KLHL18: variants seen among roughly 807,000 people sequenced by gnomAD.
KLHL18 encodes kelch-like protein 18.
In KLHL18, 38 loss-of-function variants were observed where a neutral mutation model predicts 58.5. That is an observed-to-expected ratio of 0.65 (90% confidence interval 0.50 to 0.85). The LOEUF is 0.85. Ranked by LOEUF, KLHL18 falls within the 40% of genes least tolerant of loss-of-function variation. KLHL18 has a pLI of 0.00. For missense variants in KLHL18, 624 were observed against 778.4 expected, an observed-to-expected ratio of 0.80 and a Z score of 2.36; for synonymous variants, 303 against 301.9, an observed-to-expected ratio of 1.00 and a Z score of -0.04.
At chr3:47,303,665 C>A (rs1441216053) in intron 1 of KLHL18, among the ~76,000 whole-genome samples, 2 of 152,128 alleles carry the variant, frequency 1.3e-5, no homozygotes, top group African/African-American at 4.8e-5. Context: ...TCAAGCAATT[C>A]TCCTGTCTTG....
At chr3:47,298,712 A>G (rs1251715896) in intron 1 of KLHL18, among the ~76,000 whole-genome samples, 1 of 152,154 alleles carries the variant, frequency 6.6e-6, no homozygotes, top group Non-Finnish European at 1.5e-5. Context: ...AGTCACATCC[A>G]GCCCCCTCCC....
intron 3 of KLHL18, among the ~76,000 whole-genome samples, chr3:47,329,723 C>T (rs1703810041): frequency 6.6e-6 from 1 of 152,178 alleles, no homozygotes; most frequent in South Asian, 2.1e-4. Context: ...AGAGCTCATT[C>T]CACCTGACGC....
intron 1 of KLHL18, among the ~76,000 whole-genome samples, chr3:47,284,323 T>G (rs576791294): frequency 1.6e-3 from 234 of 149,646 alleles, no homozygotes; most frequent in African/African-American, 5.3e-3. Flanking sequence ...TCTTTTGCTC[T>G]TCTTTTCTTT....
chr3:47,325,162 G>T (rs1183100701), intron 3 of KLHL18, among the ~76,000 whole-genome samples: 1 of 152,050 alleles, frequency 6.6e-6, no homozygotes, highest in Non-Finnish European at 1.5e-5. Context: ...GCCCTTGAAG[G>T]TGCATCATTT....
Position 47,342,814 on chromosome 3 carries a change from T to C in KLHL18, c.1322T>C (p.Leu441Ser). ...TATGTGTCAGGCGGCCATGATGGTT[T>C]GCAGATCTTCAGCAGTGTGAGTCTG... ...RIYVSGGHDG[L>S]QIFSSVEHYN... Residue 441 changes from leucine to serine, a missense_variant, in exon 9 of 10, where the codon TTG (leucine) becomes TCG (serine). Transcript: ENST00000232766. The C allele has an allele frequency of 6.2e-7, 1 of 1,613,972 alleles. No homozygotes were observed. The highest frequency in any genetic ancestry group is 8.5e-7 in the Non-Finnish European group (1 of 1,179,792).
In KLHL18 at chr3:47,282,995, G is replaced by A. The variant is rs1702496051; in HGVS notation, c.30G>A (p.Glu10=). 1.9e-6 allele frequency: 3 copies of A among 1,611,456 alleles called. No individual in the cohort carries two copies. Among genetic ancestry groups the A allele is most frequent in the Non-Finnish European group, 2.5e-6 (3 of 1,179,078 alleles). ...TGGAGGACGGCGCGGAGGAGCTGGA[G>A]GATCTGGTGCACTTCTCCGTGTCTG... is the stretch of plus-strand genomic sequence containing the variant. MVEDGAEEL[E]DLVHFSVSEL... The change falls in exon 1 of 10, where the codon GAG becomes GAA. Residue 10 remains glutamate, a synonymous_variant. Transcript: ENST00000232766.
rs1339744431 is a variant in KLHL18 at position 47,342,871 on chromosome 3, G to C, written c.1338+41G>C. 2.1e-6 allele frequency: 3 copies of C among 1,396,988 alleles called. No homozygotes were observed. The African/African-American group carries it at 4.3e-5, about 20-fold the overall frequency. The allele number at this position is 1,396,988 out of a possible 1,614,324, so 86.5% of individuals were successfully genotyped here. On this transcript the variant is annotated intron_variant, in intron 9 of 9. Transcript: ENST00000232766. ...CCCTGGGATAAGGGTACCTACTTCT[G>C]TCTTTGAGATTTATTTTAGAAGATC...
At chr3:47,294,018 A>T (rs900706594) in intron 1 of KLHL18, among the ~76,000 whole-genome samples, 2 of 152,268 alleles carry the variant, frequency 1.3e-5, no homozygotes, top group Non-Finnish European at 2.9e-5. Context: ...ATAGCTGCTC[A>T]GTAAACCACT....
chr3:47,308,190 C>G (rs975485043), intron 1 of KLHL18, among the ~76,000 whole-genome samples: 1 of 151,660 alleles, frequency 6.6e-6, no homozygotes, highest in Admixed American at 6.6e-5. Flanking sequence ...GGCATTCTTT[C>G]CATGCAGTCT....
chr3:47,312,644 T>C (rs1331673142), intron 1 of KLHL18, among the ~76,000 whole-genome samples: 2 of 152,208 alleles, frequency 1.3e-5, no homozygotes, highest in South Asian at 2.1e-4. Context: ...TACCCTCTTA[T>C]ATAAGCTATA....
At chr3:47,312,175 A>G (rs1350516235) in intron 1 of KLHL18, among the ~76,000 whole-genome samples, 1 of 152,234 alleles carries the variant, frequency 6.6e-6, no homozygotes, top group Non-Finnish European at 1.5e-5. Context: ...TTTGTTGAAT[A>G]CACAAGGAGA....
intron 1 of KLHL18, among the ~76,000 whole-genome samples, chr3:47,292,302 C>A (rs1166578038): frequency 6.6e-6 from 1 of 151,232 alleles, no homozygotes; most frequent in Non-Finnish European, 1.5e-5. Flanking sequence ...TGGTGAAACC[C>A]CATCTCTACT....
chr3:47,345,927 A>T lies in KLHL18; in HGVS notation c.*1986A>T, dbSNP rs1037675153. 1 of 152,474 alleles carries T rather than the reference A, an allele frequency of 6.6e-6. No individual in the cohort carries two copies. 9.4% of individuals were successfully genotyped at this position (152,474 alleles called of 1,614,324 possible). On this transcript the variant is annotated 3_prime_UTR_variant, in exon 10 of 10. Transcript: ENST00000232766. Reference sequence around the variant, plus strand: ...ATATTTTTATTTTTAACGTCTCAACAATCTGATATCGGATGTCGTTTAACC... The same window carrying T: ...ATATTTTTATTTTTAACGTCTCAACTATCTGATATCGGATGTCGTTTAACC...
Position 47,308,813 on chromosome 3 carries a change from C to T in KLHL18, c.130-10840C>T, listed in dbSNP as rs1271292124. Among the ~76,000 whole-genome samples the T allele has an allele frequency of 1.4e-4, 21 of 150,044 alleles. 1 individual carries two copies. The South Asian group carries it at 3.6e-3, about 26-fold the overall frequency. ...TAATTGATCATTCTTGGGTGTTTCTCGCAGAGGGGGATTTGGCAGGGTCAC... is the reference window on the plus strand; with the variant it reads ...TAATTGATCATTCTTGGGTGTTTCTTGCAGAGGGGGATTTGGCAGGGTCAC... On this transcript the variant is annotated intron_variant, in intron 1 of 9. Transcript: ENST00000232766.
intron 1 of KLHL18, among the ~76,000 whole-genome samples, chr3:47,305,223 A>G (rs1576148623): frequency 1.3e-5 from 2 of 151,636 alleles, no homozygotes; most frequent in East Asian, 3.9e-4. Flanking sequence ...TCAGTGTTTT[A>G]CTAGAATACT....
intron 3 of KLHL18, among the ~76,000 whole-genome samples, chr3:47,329,519 G>A (rs1051282738): frequency 6.6e-6 from 1 of 152,210 alleles, no homozygotes; most frequent in Non-Finnish European, 1.5e-5. Context: ...GAGCCACCGT[G>A]TCCAGCCCTG....
chr3:47,312,546 G>A (rs942996957), intron 1 of KLHL18, among the ~76,000 whole-genome samples: 1 of 152,164 alleles, frequency 6.6e-6, no homozygotes, highest in Non-Finnish European at 1.5e-5. Flanking sequence ...GGGGAAGAGG[G>A]GAGATTTGAG....
At chr3:47,308,675 G>A (rs189912946) in intron 1 of KLHL18, among the ~76,000 whole-genome samples, 21 of 152,290 alleles carry the variant, frequency 1.4e-4, no homozygotes, top group South Asian at 4.1e-4. Flanking sequence ...ATAGGCGTAA[G>A]CCACTGTGCC....
intron 1 of KLHL18, among the ~76,000 whole-genome samples, chr3:47,294,549 G>A (rs1441151535): frequency 1.3e-5 from 2 of 152,166 alleles, no homozygotes. Flanking sequence ...TGAGGCAGGA[G>A]CACACTTGGT....
Sources: gnomAD v4.1 joint callset for allele counts (sites outside exome capture counted in the v4.1 genomes callset) on GRCh38, gnomAD v4.1.1 for gene constraint, MANE v1.5 for transcripts, NCBI Gene and HGNC (gene_info 2026-07-23, HGNC 2026-07-21) for gene names.